The following EIF4EBP1 variants were observed in gnomAD, a reference collection of about 807,000 sequenced individuals.
The protein encoded by EIF4EBP1 is eukaryotic translation initiation factor 4E-binding protein 1.
EIF4EBP1 carries 5 observed loss-of-function variants against 9.2 expected under a neutral mutation model. That is an observed-to-expected ratio of 0.54 (90% CI 0.28 to 1.14). The LOEUF is 1.14. EIF4EBP1 is among the 50% of genes most tolerant of loss of function. EIF4EBP1 has a pLI of 0.09. For missense variants in EIF4EBP1, 139 were observed against 169.6 expected, an observed-to-expected ratio of 0.82 and a Z score of 1.00; for synonymous variants, 62 against 67.0, an observed-to-expected ratio of 0.93 and a Z score of 0.36.
chr8:38,052,406 G>A (rs1054009178), intron 1 of EIF4EBP1, among the ~76,000 whole-genome samples: 3 of 142,316 alleles, frequency 2.1e-5, no homozygotes, highest in African/African-American at 9.3e-5. Flanking sequence ...GACTCCAAGC[G>A]CATGCCACCA....
At chr8:38,054,748 G>A (rs985235555) in intron 1 of EIF4EBP1, among the ~76,000 whole-genome samples, 4 of 152,086 alleles carry the variant, frequency 2.6e-5, no homozygotes, top group Admixed American at 6.6e-5. Context: ...TTAGAAATTG[G>A]TCTTCCCTTA....
intron 1 of EIF4EBP1, 77 bp downstream of exon 1, chr8:38,030,795 T>C (rs1038852150): frequency 9.5e-6 from 13 of 1,366,144 alleles, no homozygotes; most frequent in Non-Finnish European, 1.2e-5. Flanking sequence ...TTGGACCGGG[T>C]GTCCAGGCTC....
intron 1 of EIF4EBP1, among the ~76,000 whole-genome samples, chr8:38,042,754 G>T (rs1340616859): frequency 2.0e-5 from 3 of 152,148 alleles, no homozygotes; most frequent in Admixed American, 6.6e-5. Flanking sequence ...TACTGGGGTT[G>T]GGCTTCAACA....
At chr8:38,045,113 C>T (rs1209161149) in intron 1 of EIF4EBP1, among the ~76,000 whole-genome samples, 1 of 152,174 alleles carries the variant, frequency 6.6e-6, no homozygotes, top group Non-Finnish European at 1.5e-5. Flanking sequence ...TTTATTCTCA[C>T]ACAAAGAATC....
intron 1 of EIF4EBP1, among the ~76,000 whole-genome samples, chr8:38,049,371 G>A (rs1353103210): frequency 6.6e-6 from 1 of 151,510 alleles, no homozygotes; most frequent in Non-Finnish European, 1.5e-5. Flanking sequence ...CCAGTATTGT[G>A]AATTTCACAA....
At position 38,049,074 on chromosome 8, in the gene EIF4EBP1, G is replaced by A. The variant is rs147533028; in HGVS notation, c.146-8007G>A. ...TGGGAGGCGGAGGTTGCAGTGAGCC[G>A]AGATTGCGCCATTGCACTCCATCCT... On this transcript the variant is annotated intron_variant, in intron 1 of 2. Coordinates refer to ENST00000338825, the MANE Select transcript of EIF4EBP1 (RefSeq NM_004095.4). Among the ~76,000 whole-genome samples, 1,166 of 150,276 alleles carry A rather than the reference G, an allele frequency of 7.8e-3. 11 individuals are homozygous for A. The highest frequency in any genetic ancestry group is 0.026 in the African/African-American group (1,069 of 40,842).
chr8:38,042,925 C>T (rs1399963983), intron 1 of EIF4EBP1, among the ~76,000 whole-genome samples: 3 of 152,018 alleles, frequency 2.0e-5, no homozygotes, highest in Non-Finnish European at 4.4e-5. Flanking sequence ...ATTACCCAGG[C>T]GTGGTGGCAG....
At chr8:38,034,055 T>G (rs542457724) in intron 1 of EIF4EBP1, among the ~76,000 whole-genome samples, 2 of 152,138 alleles carry the variant, frequency 1.3e-5, no homozygotes, top group South Asian at 4.2e-4. Context: ...CCTTTTTTTG[T>G]TTTTTTCCTG....
At chr8:38,049,151 A>T (rs113296958) in intron 1 of EIF4EBP1, among the ~76,000 whole-genome samples, 17 of 151,588 alleles carry the variant, frequency 1.1e-4, no homozygotes, top group African/African-American at 3.9e-4. Flanking sequence ...AAAAGAAAAG[A>T]AAAAAGAGAA....
chr8:38,035,132 C>G (rs1809281041), intron 1 of EIF4EBP1, among the ~76,000 whole-genome samples: 1 of 152,146 alleles, frequency 6.6e-6, no homozygotes, highest in Non-Finnish European at 1.5e-5. Context: ...TGGAAGCATT[C>G]CACACTGTGT....
At chr8:38,040,954 C>G (rs1344957175) in intron 1 of EIF4EBP1, among the ~76,000 whole-genome samples, 1 of 152,128 alleles carries the variant, frequency 6.6e-6, no homozygotes, top group Non-Finnish European at 1.5e-5. Flanking sequence ...CATGCACCAC[C>G]ATGCCCAGCT....
At chr8:38,034,161 C>T (rs1306258589) in intron 1 of EIF4EBP1, among the ~76,000 whole-genome samples, 4 of 152,150 alleles carry the variant, frequency 2.6e-5, no homozygotes, top group Non-Finnish European at 2.9e-5. Flanking sequence ...ATCCTCCTGC[C>T]TCAGCCTTGC....
intron 1 of EIF4EBP1, among the ~76,000 whole-genome samples, chr8:38,036,751 C>T (rs1339675331): frequency 1.3e-5 from 2 of 151,850 alleles, no homozygotes; most frequent in African/African-American, 4.8e-5. Context: ...TGGGCTCAAG[C>T]AATCCTCCCA....
At chr8:38,045,573 T>C (rs1454051388) in intron 1 of EIF4EBP1, among the ~76,000 whole-genome samples, 1 of 149,652 alleles carries the variant, frequency 6.7e-6, no homozygotes, top group African/African-American at 2.4e-5. Context: ...GGCATGGTGG[T>C]GCATGCCTGT....
At chr8:38,030,819 T>C (rs1242293777) in intron 1 of EIF4EBP1, 101 bp downstream of exon 1, 10 of 1,357,428 alleles carry the variant, frequency 7.4e-6, no homozygotes. Flanking sequence ...GGCGCCGTGA[T>C]TGGAAAGAAC....
intron 1 of EIF4EBP1, among the ~76,000 whole-genome samples, chr8:38,043,756 C>T (rs1247137661): frequency 6.6e-6 from 1 of 152,110 alleles, no homozygotes; most frequent in African/African-American, 2.4e-5. Flanking sequence ...AGACCCCTGG[C>T]CCCTGAGAAA....
intron 1 of EIF4EBP1, among the ~76,000 whole-genome samples, chr8:38,031,893 G>C (rs1363365910): frequency 6.6e-6 from 1 of 152,218 alleles, no homozygotes; most frequent in Non-Finnish European, 1.5e-5. Context: ...ACAAGAAATA[G>C]CAACCAGGCA....
intron 1 of EIF4EBP1, among the ~76,000 whole-genome samples, chr8:38,054,502 C>T (rs1419806084): frequency 6.6e-6 from 1 of 152,036 alleles, no homozygotes; most frequent in Non-Finnish European, 1.5e-5. Flanking sequence ...GGGGGGCACT[C>T]TTGCCGAGTC....
At chr8:38,059,766 AAC>A in intron 2 of EIF4EBP1, 136 bp from the exon 3 acceptor site, 3 of 879,242 alleles carry the variant, frequency 3.4e-6, no homozygotes, top group Non-Finnish European at 1.8e-6. Flanking sequence ...AAAAAAAAAA[AAC>A]AAAAAAACAA....
Sources: gnomAD v4.1 joint callset for allele counts (sites outside exome capture counted in the v4.1 genomes callset) on GRCh38, gnomAD v4.1.1 for gene constraint, MANE v1.5 for transcripts, NCBI Gene and HGNC (gene_info 2026-07-23, HGNC 2026-07-21) for gene names.